Variants in RPA3 observed in about 807,000 individuals in gnomAD.
The protein encoded by RPA3 is replication protein A3.
Under a neutral mutation model 13.7 loss-of-function variants are expected in RPA3, and 24 were observed. That is an observed-to-expected ratio of 1.75 (90% confidence interval 1.27 to 2.46). RPA3 has a LOEUF of 2.46. Ranked by LOEUF, RPA3 falls within the 30% of genes most tolerant of loss-of-function variation. The pLI is 0.00. For missense variants in RPA3, 183 were observed against 151.0 expected (o/e 1.21, Z -1.11); for synonymous variants, 59 against 51.2 (o/e 1.15, Z -0.65).
At chr7:7,670,499 G>A (rs937922982) in intron 4 of RPA3, among the ~76,000 whole-genome samples, 2 of 152,136 alleles carry the variant, frequency 1.3e-5, no homozygotes, top group African/African-American at 2.4e-5. Context: ...CAGCCCTAAC[G>A]ATTCGGTGGT....
In RPA3 at chr7:7,636,843, T is replaced by C. The variant is rs1784874730; in HGVS notation, c.*157A>G. The C allele has an allele frequency of 1.6e-6, 1 of 623,076 alleles. No homozygotes were observed. The highest frequency in any genetic ancestry group is 2.9e-5 in the East Asian group (1 of 34,632). The allele number at this position is 623,076 out of a possible 1,614,324, so 38.6% of individuals were successfully genotyped here. On this transcript the variant is annotated 3_prime_UTR_variant, in exon 8 of 8. Transcript: ENST00000223129. ...TATAAAAGGACTTCGGTGAGAACTGTCAATATATCAGTTCCATCAAAAACT... is the reference window on the plus strand; with the variant it reads ...TATAAAAGGACTTCGGTGAGAACTGCCAATATATCAGTTCCATCAAAAACT...
chr7:7,645,710 T>C (rs1395389464), intron 4 of RPA3, among the ~76,000 whole-genome samples: 1 of 152,218 alleles, frequency 6.6e-6, no homozygotes, highest in East Asian at 1.9e-4. Flanking sequence ...GAAATGAGTA[T>C]GTATTTTTCA....
chr7:7,683,684 A>G (rs534252359), intron 4 of RPA3, among the ~76,000 whole-genome samples: 1 of 151,204 alleles, frequency 6.6e-6, no homozygotes, highest in South Asian at 2.1e-4. Flanking sequence ...GTGCAGTGGC[A>G]TGGTCTCTGT....
chr7:7,651,802 A>G (rs932662349), intron 4 of RPA3, among the ~76,000 whole-genome samples: 16 of 152,162 alleles, frequency 1.1e-4, no homozygotes, highest in Middle Eastern at 3.2e-3. Context: ...AAGGTCTGTG[A>G]GTGAGTTGAA....
At chr7:7,661,431 C>A (rs1340293500) in intron 4 of RPA3, among the ~76,000 whole-genome samples, 1 of 152,052 alleles carries the variant, frequency 6.6e-6, no homozygotes, top group East Asian at 1.9e-4. Context: ...CTGGTTTGTC[C>A]CTATCTTTGT....
intron 4 of RPA3, among the ~76,000 whole-genome samples, chr7:7,656,807 TA>T (rs1177109098): frequency 1.3e-5 from 2 of 152,252 alleles, no homozygotes. Context: ...TAGAATGATT[TA>T]TAATCCTTTG....
At chr7:7,675,884 C>G (rs1779726851) in intron 4 of RPA3, among the ~76,000 whole-genome samples, 1 of 152,208 alleles carries the variant, frequency 6.6e-6, no homozygotes, top group Non-Finnish European at 1.5e-5. Context: ...CCTTCAGCTC[C>G]TCTGTCTGCT....
Position 7,709,970 on chromosome 7 carries a change from T to A in RPA3, c.-1028+5205A>T, listed in dbSNP as rs146668445. On this transcript the variant is annotated intron_variant, in intron 2 of 7. Coordinates refer to ENST00000223129, the MANE Select transcript of RPA3 (RefSeq NM_002947.5). ...TTTTTTGGGGTCTCTTTTTAAATAG[T>A]GTTAACATATTTTTCATATGTGTAG... Among the ~76,000 whole-genome samples the A allele has an allele frequency of 2.2e-4, 33 of 152,260 alleles. 1 individual carries two copies. In the East Asian group the frequency reaches 6.0e-3, roughly 28 times the overall value.
chr7:7,665,602 A>G (rs4725013), intron 4 of RPA3, among the ~76,000 whole-genome samples: 127,727 of 151,892 alleles, frequency 0.84, 53,834 homozygotes, highest in Non-Finnish European at 0.88. Flanking sequence ...TACTGCTGAA[A>G]CAGTCACTGC....
intron 4 of RPA3, among the ~76,000 whole-genome samples, chr7:7,676,691 T>A (rs1779749405): frequency 6.6e-6 from 1 of 152,166 alleles, no homozygotes; most frequent in Admixed American, 6.5e-5. Flanking sequence ...TATTTAATAG[T>A]TTAAATGTTT....
chr7:7,644,224 G>A (rs1187966215), intron 4 of RPA3, among the ~76,000 whole-genome samples: 3 of 151,904 alleles, frequency 2.0e-5, no homozygotes, highest in Non-Finnish European at 4.4e-5. Flanking sequence ...GGTTATTTAT[G>A]TTTATCTTTT....
chr7:7,713,194 A>T (rs35375940), intron 2 of RPA3, among the ~76,000 whole-genome samples: 24,478 of 151,688 alleles, frequency 0.16, 2,283 homozygotes, highest in South Asian at 0.2. Flanking sequence ...AAAAAAAAAA[A>T]TTAGCTGGGC....
chr7:7,695,431 A>G (rs529164157), intron 2 of RPA3, among the ~76,000 whole-genome samples: 1 of 151,650 alleles, frequency 6.6e-6, no homozygotes, highest in Non-Finnish European at 1.5e-5. Context: ...TCTAGACATA[A>G]TACGTTGATT....
rs114329355 is a variant in RPA3, at chr7:7,683,020, C to T, written c.-758+2810G>A. On this transcript the variant is annotated intron_variant, in intron 4 of 7. Coordinates refer to ENST00000223129, the MANE Select transcript of RPA3 (RefSeq NM_002947.5). ...TGAAAAAGTTAGGTTAGGCCATCCC[C>T]GTGTGGGGTACACCACCCTTCCTTA... Among the ~76,000 whole-genome samples, 362 of 152,312 alleles carry T rather than the reference C, an allele frequency of 2.4e-3. 4 individuals are homozygous for T. The highest frequency in any genetic ancestry group is 7.8e-3 in the African/African-American group (324 of 41,574).
At chr7:7,671,031 C>T (rs1473648760) in intron 4 of RPA3, among the ~76,000 whole-genome samples, 1 of 152,188 alleles carries the variant, frequency 6.6e-6, no homozygotes, top group Non-Finnish European at 1.5e-5. Context: ...CACTGGGCCT[C>T]CTTGGGGGCT....
intron 4 of RPA3, among the ~76,000 whole-genome samples, chr7:7,680,277 A>C (rs1010438903): frequency 6.6e-6 from 1 of 152,122 alleles, no homozygotes; most frequent in Admixed American, 6.5e-5. Flanking sequence ...CAGTTTTCCC[A>C]GCACCACTGA....
intron 4 of RPA3, among the ~76,000 whole-genome samples, chr7:7,659,784 T>C (rs1476828792): frequency 1.3e-5 from 2 of 152,192 alleles, no homozygotes; most frequent in Non-Finnish European, 2.9e-5. Flanking sequence ...TCTGTTAATT[T>C]GGGGTGGAGT....
chr7:7,669,015 C>T (rs1583714036), intron 4 of RPA3, among the ~76,000 whole-genome samples: 1 of 151,796 alleles, frequency 6.6e-6, no homozygotes. Flanking sequence ...GGGGAGAAAA[C>T]CCACACAGAC....
intron 2 of RPA3, among the ~76,000 whole-genome samples, chr7:7,710,398 A>C (rs550055525): frequency 6.6e-6 from 1 of 152,340 alleles, no homozygotes; most frequent in Non-Finnish European, 1.5e-5. Flanking sequence ...CAAATTAGAA[A>C]ATGGGCAAAA....
Sources: allele counts gnomAD v4.1 joint callset (sites outside exome capture counted in the v4.1 genomes callset), GRCh38; gene constraint gnomAD v4.1.1; transcripts MANE v1.5; gene names NCBI Gene and HGNC (gene_info 2026-07-23, HGNC 2026-07-21).